PCDHA1: variants seen among roughly 807,000 people sequenced by gnomAD.
PCDHA1 encodes protocadherin alpha-1.
A neutral mutation model predicts 61.3 loss-of-function variants in PCDHA1; 42 were observed. The ratio of observed to expected loss-of-function variants is 0.69; its 90% CI spans 0.54 to 0.89. The LOEUF is 0.89. PCDHA1 is among the 40% of genes least tolerant of loss of function. The pLI, the probability that PCDHA1 is intolerant of heterozygous loss-of-function variation, is 0.00. For missense variants in PCDHA1, 1,256 were observed against 1,235.3 expected, an observed-to-expected ratio of 1.02 and a Z score of -0.25; for synonymous variants, 610 against 553.8, an observed-to-expected ratio of 1.10 and a Z score of -1.43.
chr5:140,836,387 G>A lies in PCDHA1; in HGVS notation c.2394+47703G>A, dbSNP rs1435398883. The A allele has an allele frequency of 6.2e-6, 10 of 1,613,630 alleles. 1 individual carries two copies. The highest frequency in any genetic ancestry group is 7.6e-6 in the Non-Finnish European group (9 of 1,179,846). On this transcript the variant is annotated intron_variant, in intron 1 of 3. Transcript: ENST00000504120. Reference sequence around the variant, plus strand: ...CAGCCACAGCCACCGTGCTGGTGTCGCTGGTGGAAAGCGGCCAGGCACCAA... The same window carrying A: ...CAGCCACAGCCACCGTGCTGGTGTCACTGGTGGAAAGCGGCCAGGCACCAA...
Position 140,876,332 on chromosome 5 carries a change from T to C in PCDHA1, c.2394+87648T>C. On this transcript the variant is annotated intron_variant, in intron 1 of 3. Coordinates refer to ENST00000504120, the MANE Select transcript of PCDHA1 (RefSeq NM_018900.4). ...TATGGGATCAAAATGATTTTGCCAGTGAGTGAGAAATGTATGTTTTCAATA... is the reference window on the plus strand; with the variant it reads ...TATGGGATCAAAATGATTTTGCCAGCGAGTGAGAAATGTATGTTTTCAATA... 6.2e-7 allele frequency: 1 copy of C among 1,613,990 alleles called. No homozygotes were observed. Among genetic ancestry groups the C allele is most frequent in the Non-Finnish European group, 8.5e-7 (1 of 1,179,896 alleles).
intron 1 of PCDHA1, chr5:140,877,100 C>A (rs782669477): frequency 2.5e-6 from 4 of 1,613,344 alleles, no homozygotes; most frequent in African/African-American, 1.3e-5. Context: ...GCCGGCGTGC[C>A]GCCTCTGGGC....
rs2149896470 is a variant in PCDHA1 at position 140,787,863 on chromosome 5, C to T, written c.1573C>T (p.His525Tyr). The change falls in exon 1 of 4, where the codon CAC becomes TAC. Residue 525 changes from histidine (H) to tyrosine (Y), a missense_variant. By Grantham distance (83) the His-to-Tyr change is moderately conservative. Coordinates refer to ENST00000504120, the MANE Select transcript of PCDHA1 (RefSeq NM_018900.4). ...GGTGTACGCACTGCAGCCCCTGGACCACGAGGAGCTGGAGCTGCTGCAGTT... is the reference window on the plus strand; with the variant it reads ...GGTGTACGCACTGCAGCCCCTGGACTACGAGGAGCTGGAGCTGCTGCAGTT... ...GKVYALQPLD[H>Y]EELELLQFQV... The T allele has an allele frequency of 6.2e-7, 1 of 1,613,052 alleles. No individual in the cohort carries two copies. Among genetic ancestry groups the T allele is most frequent in the African/African-American group, 1.3e-5 (1 of 75,022 alleles).
intron 1 of PCDHA1, among the ~76,000 whole-genome samples, chr5:140,832,585 T>C (rs1306103831): frequency 6.6e-6 from 1 of 152,188 alleles, no homozygotes; most frequent in African/African-American, 2.4e-5. Context: ...TCTTAGGAAG[T>C]AGAGAACTAT....
intron 1 of PCDHA1, among the ~76,000 whole-genome samples, chr5:140,961,895 T>A (rs1453853880): frequency 6.6e-6 from 1 of 152,012 alleles, no homozygotes; most frequent in Non-Finnish European, 1.5e-5. Flanking sequence ...CAGTTTTTTT[T>A]TTTTTTGAGA....
intron 1 of PCDHA1, among the ~76,000 whole-genome samples, chr5:140,978,254 A>T (rs2096794173): frequency 6.6e-6 from 1 of 152,228 alleles, no homozygotes; most frequent in Non-Finnish European, 1.5e-5. Context: ...TCCCTGTTAA[A>T]CAATCAGAGC....
intron 1 of PCDHA1, among the ~76,000 whole-genome samples, chr5:140,898,613 T>A (rs561301118): frequency 6.6e-6 from 1 of 152,346 alleles, no homozygotes; most frequent in South Asian, 2.1e-4. Flanking sequence ...TAGTTTGAAG[T>A]CAGGTAGCAT....
chr5:140,925,397 C>T (rs2082477792), intron 1 of PCDHA1, among the ~76,000 whole-genome samples: 1 of 152,048 alleles, frequency 6.6e-6, no homozygotes, highest in African/African-American at 2.4e-5. Flanking sequence ...TTTGGCTCGC[C>T]TCCTTCTTAG....
intron 1 of PCDHA1, chr5:140,928,400 C>G: frequency 6.2e-7 from 1 of 1,614,038 alleles, no homozygotes; most frequent in Non-Finnish European, 8.5e-7. Flanking sequence ...GTGGAATCAT[C>G]CAGTGGGGCC....
chr5:140,796,648 G>A (rs782465720), intron 1 of PCDHA1: 4 of 1,613,822 alleles, frequency 2.5e-6, no homozygotes, highest in African/African-American at 2.7e-5. Context: ...GAACGACAAC[G>A]CGCCGGCACT....
intron 1 of PCDHA1, chr5:140,809,261 G>A: frequency 1.2e-6 from 2 of 1,614,110 alleles, no homozygotes; most frequent in South Asian, 1.1e-5. Flanking sequence ...TCCCGATGCT[G>A]CGCTGGTGGA....
In PCDHA1 at chr5:140,876,415, G is replaced by T; in HGVS notation, c.2394+87731G>T. On this transcript the variant is annotated intron_variant, in intron 1 of 3. Transcript: ENST00000504120. Reference sequence around the variant, plus strand: ...TGAACTGGATTTTGAAGAGAATAATGCCTATGAAATTCAGGTTAACGCCAT... The same window carrying T: ...TGAACTGGATTTTGAAGAGAATAATTCCTATGAAATTCAGGTTAACGCCAT... The T allele has an allele frequency of 2.5e-6, 4 of 1,613,960 alleles. 1 individual carries two copies. The highest frequency in any genetic ancestry group is 3.4e-6 in the Non-Finnish European group (4 of 1,179,898).
chr5:140,850,287 G>A lies in PCDHA1; in HGVS notation c.2394+61603G>A. On this transcript the variant is annotated intron_variant, in intron 1 of 3. Transcript: ENST00000504120. ...AGTGGTGGGGAAGGTGCGCGCAGTG[G>A]ACGCCGACTCGGGCTACAACGCGTG... 2.5e-6 allele frequency: 4 copies of A among 1,595,954 alleles called. 1 individual carries two copies. Among genetic ancestry groups the A allele is most frequent in the Non-Finnish European group, 3.4e-6 (4 of 1,167,630 alleles).
chr5:140,972,829 A>G (rs1554234573), intron 1 of PCDHA1, among the ~76,000 whole-genome samples: 1 of 151,808 alleles, frequency 6.6e-6, no homozygotes, highest in Non-Finnish European at 1.5e-5. Flanking sequence ...ACGCCTGGCT[A>G]ATTTTTGTAT....
intron 1 of PCDHA1, chr5:140,875,344 A>C: frequency 6.9e-7 from 1 of 1,442,996 alleles, no homozygotes; most frequent in Non-Finnish European, 9.1e-7. Flanking sequence ...TCGACTCCAT[A>C]ATGACTGTGA....
intron 1 of PCDHA1, chr5:140,808,274 G>A: frequency 7.4e-6 from 12 of 1,614,206 alleles, no homozygotes; most frequent in Non-Finnish European, 1.0e-5. Flanking sequence ...TAGAGAGGAC[G>A]CTCCACTGGG....
chr5:140,788,293 C>T lies in PCDHA1; in HGVS notation c.2003C>T (p.Ser668Phe). Residue 668 changes from serine (S) to phenylalanine (F), a missense_variant, in exon 1 of 4, where the codon TCT (serine) becomes TTT (phenylalanine). Ser to Phe is a radical substitution (Grantham distance 155). Coordinates refer to ENST00000504120, the MANE Select transcript of PCDHA1 (RefSeq NM_018900.4). ...ACAGCCACGGCCACTGTGCTTGTAT[C>T]TCTGGTGGAGAGCGGCCAGGCGCCA... The part of the protein sequence containing the change: ...ALTATATVLV[S>F]LVESGQAPKA... 6.2e-7 allele frequency: 1 copy of T among 1,614,002 alleles called. No individual in the cohort carries two copies. Among genetic ancestry groups the T allele is most frequent in the South Asian group, 1.1e-5 (1 of 91,086 alleles).
At chr5:140,966,569 G>A in intron 1 of PCDHA1, 1 of 500,346 alleles carries the variant, frequency 2.0e-6, no homozygotes, top group Non-Finnish European at 3.3e-6. Flanking sequence ...TGGAATATGG[G>A]GAGTCAGCGA....
At chr5:140,970,753 C>T (rs1282500516) in intron 1 of PCDHA1, among the ~76,000 whole-genome samples, 1 of 152,176 alleles carries the variant, frequency 6.6e-6, no homozygotes, top group Non-Finnish European at 1.5e-5. Context: ...AATATATTTT[C>T]ATTGACATAT....
Sources: gnomAD v4.1 joint callset for allele counts (sites outside exome capture counted in the v4.1 genomes callset) on GRCh38, gnomAD v4.1.1 for gene constraint, MANE v1.5 for transcripts, NCBI Gene and HGNC (gene_info 2026-07-23, HGNC 2026-07-21) for gene names.